Variants in MAGI1 observed in about 807,000 individuals in gnomAD.
The protein encoded by MAGI1 is membrane-associated guanylate kinase, WW and PDZ domain-containing protein 1.
A neutral mutation model predicts 139.9 loss-of-function variants in MAGI1; 58 were observed. That is an observed-to-expected ratio of 0.41 (90% CI 0.34 to 0.52). MAGI1 has a LOEUF of 0.52. MAGI1 is among the 20% of genes least tolerant of loss of function. The pLI, the probability that MAGI1 is intolerant of heterozygous loss-of-function variation, is 0.12. For synonymous variants in MAGI1, 812 were observed against 737.9 expected (o/e 1.10, Z -1.63); for missense variants, 1,874 against 1,901.6 (o/e 0.99, Z 0.27).
At chr3:65,737,172 T>C (rs1230670171) in intron 1 of MAGI1, among the ~76,000 whole-genome samples, 1 of 152,010 alleles carries the variant, frequency 6.6e-6, no homozygotes, top group African/African-American at 2.4e-5. Flanking sequence ...CCTGGCTAAT[T>C]TTTTGTATTT....
chr3:65,620,422 G>T (rs917184722), intron 2 of MAGI1, among the ~76,000 whole-genome samples: 2 of 152,094 alleles, frequency 1.3e-5, no homozygotes, highest in African/African-American at 2.4e-5. Context: ...GGTTACTATA[G>T]GAGGAATGCC....
rs537908625 is a variant in MAGI1 at position 65,461,363 on chromosome 3, G to A, written c.960-8023C>T. The stretch of plus-strand genomic sequence containing the variant: ...CCTGAGTAGCTGGAACTATAGGCTC[G>A]TGCCAATACACCCGCCTAGTTTTTT... On this transcript the variant is annotated intron_variant, in intron 5 of 22. Coordinates refer to ENST00000402939, the MANE Select transcript of MAGI1 (RefSeq NM_001033057.2). Among the ~76,000 whole-genome samples, 23 of 151,434 alleles carry A rather than the reference G, an allele frequency of 1.5e-4. 1 individual carries two copies. Among genetic ancestry groups the A allele is most frequent in the South Asian group, 1.3e-3 (6 of 4,796 alleles).
intron 1 of MAGI1, among the ~76,000 whole-genome samples, chr3:65,724,553 A>G (rs77315441): frequency 0.019 from 2,822 of 152,308 alleles, 84 homozygotes; most frequent in African/African-American, 0.064. Context: ...AGCCACTGTT[A>G]TCTAGGATAA....
At chr3:65,505,783 T>C (rs1039689314) in intron 2 of MAGI1, among the ~76,000 whole-genome samples, 1 of 152,070 alleles carries the variant, frequency 6.6e-6, no homozygotes, top group South Asian at 2.1e-4. Flanking sequence ...TAAAGAATTA[T>C]ATACTTTAAA....
intron 2 of MAGI1, among the ~76,000 whole-genome samples, chr3:65,613,575 A>AT (rs1046402367): frequency 1.3e-5 from 2 of 151,990 alleles, no homozygotes; most frequent in African/African-American, 2.4e-5. Flanking sequence ...TTTTTTTCCC[A>AT]TTTTTTCTCC....
chr3:65,401,376 A>ACCCCCCCCC, intron 13 of MAGI1, 63 bp downstream of exon 13: 7 of 406,658 alleles, frequency 1.7e-5, no homozygotes, highest in East Asian at 4.9e-5. Context: ...GTACCCTCCC[A>ACCCCCCCCC]CCTCCAGCCC....
chr3:65,376,029 A>G, intron 17 of MAGI1, 84 bp from the exon 18 acceptor site: 1 of 978,512 alleles, frequency 1.0e-6, no homozygotes, highest in Non-Finnish European at 1.6e-6. Flanking sequence ...AAAGGGAAAG[A>G]GAAGGTTAAG....
intron 1 of MAGI1, among the ~76,000 whole-genome samples, chr3:65,961,450 T>C (rs768835385): frequency 4.6e-5 from 7 of 152,218 alleles, no homozygotes; most frequent in Admixed American, 6.5e-5. Flanking sequence ...GTTAACTAAA[T>C]AGATGATCAG....
At chr3:65,476,556 A>G (rs1404235393) in intron 4 of MAGI1, among the ~76,000 whole-genome samples, 1 of 152,196 alleles carries the variant, frequency 6.6e-6, no homozygotes, top group Admixed American at 6.5e-5. Context: ...GACTTACAGT[A>G]AACTACCTCT....
rs75494158 is a variant in MAGI1, at chr3:65,486,736, G to A, written c.550+6776C>T. On this transcript the variant is annotated intron_variant, in intron 3 of 22. Coordinates refer to ENST00000402939, the MANE Select transcript of MAGI1 (RefSeq NM_001033057.2). ...TATGCCTTGTGAGGGATGATAATCA[G>A]ATTCTTTACATCGCCAGGAAGGGGC... Among the ~76,000 whole-genome samples the A allele has an allele frequency of 1.0e-3, 153 of 152,278 alleles. 1 individual carries two copies. The highest frequency in any genetic ancestry group is 3.5e-3 in the African/African-American group (144 of 41,560).
At chr3:65,693,355 T>C (rs1359227313) in intron 1 of MAGI1, among the ~76,000 whole-genome samples, 2 of 152,166 alleles carry the variant, frequency 1.3e-5, no homozygotes, top group Non-Finnish European at 2.9e-5. Flanking sequence ...AAAACTTTCC[T>C]AAGATCATGT....
intron 1 of MAGI1, among the ~76,000 whole-genome samples, chr3:65,851,064 G>C (rs532470417): frequency 2.0e-5 from 3 of 152,016 alleles, no homozygotes; most frequent in African/African-American, 7.2e-5. Context: ...CCGAGATCAC[G>C]CCACTGCACT....
At chr3:65,415,593 TAAG>T (rs1373781197) in intron 12 of MAGI1, among the ~76,000 whole-genome samples, 4 of 152,178 alleles carry the variant, frequency 2.6e-5, no homozygotes, top group Non-Finnish European at 4.4e-5. Flanking sequence ...GAGGCAACAC[TAAG>T]AAGAAGTGGG....
At chr3:65,780,674 G>A (rs563362082) in intron 1 of MAGI1, among the ~76,000 whole-genome samples, 2 of 152,242 alleles carry the variant, frequency 1.3e-5, no homozygotes, top group African/African-American at 4.8e-5. Flanking sequence ...TGATCCAACA[G>A]ATGAATAAGC....
At chr3:65,832,476 C>T (rs2042581646) in intron 1 of MAGI1, among the ~76,000 whole-genome samples, 1 of 152,082 alleles carries the variant, frequency 6.6e-6, no homozygotes, top group Non-Finnish European at 1.5e-5. Flanking sequence ...GCTAGCATGT[C>T]TCTGAATACG....
At chr3:65,503,041 A>G (rs545951302) in intron 2 of MAGI1, among the ~76,000 whole-genome samples, 3 of 152,294 alleles carry the variant, frequency 2.0e-5, no homozygotes, top group Admixed American at 1.3e-4. Flanking sequence ...TGTTAGTGTC[A>G]CTAAGCAACA....
At chr3:65,713,737 T>A (rs2031828285) in intron 1 of MAGI1, among the ~76,000 whole-genome samples, 1 of 152,214 alleles carries the variant, frequency 6.6e-6, no homozygotes, top group African/African-American at 2.4e-5. Context: ...GTGTGCCTAC[T>A]ACGTCACAGG....
chr3:65,786,565 A>G (rs1453366776), intron 1 of MAGI1, among the ~76,000 whole-genome samples: 2 of 149,938 alleles, frequency 1.3e-5, no homozygotes, highest in Non-Finnish European at 3.0e-5. Flanking sequence ...AGCCTCCAAG[A>G]GTGCTGGGAT....
intron 2 of MAGI1, among the ~76,000 whole-genome samples, chr3:65,572,733 A>G (rs572759852): frequency 6.6e-6 from 1 of 152,022 alleles, no homozygotes; most frequent in South Asian, 2.1e-4. Context: ...ATATTGTCCC[A>G]TAAGTATTAT....
Sources: allele counts gnomAD v4.1 joint callset (sites outside exome capture counted in the v4.1 genomes callset), GRCh38; gene constraint gnomAD v4.1.1; transcripts MANE v1.5; gene names NCBI Gene and HGNC (gene_info 2026-07-23, HGNC 2026-07-21).